Variants in BACH1 observed in about 807,000 individuals in gnomAD.
BACH1 encodes BTB domain and CNC homolog 1, also known as transcription regulator protein BACH1.
In BACH1, 35 loss-of-function variants were observed where a neutral mutation model predicts 52.9. The ratio of observed to expected loss-of-function variants is 0.66; its 90% confidence interval spans 0.51 to 0.88. The LOEUF is 0.88. Among genes scored for constraint, BACH1 ranks in the 40% least tolerant of loss-of-function variants. The pLI, the probability that BACH1 is intolerant of heterozygous loss-of-function variation, is 0.00. For synonymous variants in BACH1, 321 were observed against 319.6 expected, an observed-to-expected ratio of 1.00 and a Z score of -0.05; for missense variants, 808 against 872.6, an observed-to-expected ratio of 0.93 and a Z score of 0.93.
Position 29,355,753 on chromosome 21 carries a change from C to T in BACH1, c.472+26060C>T, listed in dbSNP as rs944942388. Among the ~76,000 whole-genome samples the T allele has an allele frequency of 5.3e-5, 8 of 152,126 alleles. No homozygotes were observed. The East Asian group carries it at 5.8e-4, about 11-fold the overall frequency. On this transcript the variant is annotated intron_variant, in intron 2 of 4. Transcript: ENST00000422809. Reference sequence around the variant, plus strand: ...GAGGTTAAAAATAAGGGTCCGAAGGCGAGTAATAGCAAGATGGCTGCCACA... The same window carrying T: ...GAGGTTAAAAATAAGGGTCCGAAGGTGAGTAATAGCAAGATGGCTGCCACA...
chr21:29,330,840 G>A (rs977737667), intron 4 of BACH1, among the ~76,000 whole-genome samples: 4 of 151,362 alleles, frequency 2.6e-5, no homozygotes, highest in Non-Finnish European at 5.9e-5. Context: ...TTTATATATT[G>A]TACATATACT....
At chr21:29,346,563 G>T (rs1261577018), downstream of BACH1, among the ~76,000 whole-genome samples, 1 of 152,122 alleles carries the variant, frequency 6.6e-6, no homozygotes, top group Non-Finnish European at 1.5e-5. Flanking sequence ...AGCTGGGGAT[G>T]ATTTTGCTTG....
rs2089141786 is a variant in BACH1 at position 29,343,842 on chromosome 21, T to C, written c.*1009T>C. 6.6e-6 allele frequency: 1 copy of C among 152,238 alleles called. No individual in the cohort carries two copies. Among genetic ancestry groups the C allele is most frequent in the Non-Finnish European group, 1.5e-5 (1 of 68,044 alleles). The allele number at this position is 152,238 out of a possible 1,614,324, so 9.4% of individuals were successfully genotyped here. ...TGTTTTTGAAGTCGTATTATTCACT[T>C]GTAAAAATGATTGTAACAGATAAAA... On this transcript the variant is annotated 3_prime_UTR_variant, in exon 5 of 5. Transcript: ENST00000286800.
downstream of BACH1, among the ~76,000 whole-genome samples, chr21:29,349,876 C>G (rs2123485940): frequency 6.6e-6 from 1 of 152,196 alleles, no homozygotes; most frequent in African/African-American, 2.4e-5. Flanking sequence ...CACTTAGACT[C>G]TTGGCATTGA....
rs867013588 is a variant in BACH1, at chr21:29,360,861, A to C, written c.472+31168A>C. 4.7e-3 allele frequency among the ~76,000 whole-genome samples: 706 copies of C among 149,936 alleles called. 4 individuals are homozygous for C. In the East Asian group the frequency reaches 0.048, roughly 10 times the overall value. On this transcript the variant is annotated intron_variant, in intron 2 of 4. Coordinates refer to the BACH1 transcript ENST00000422809. ...ACCCTGTCTCAAAAAAAAAAAAAAA[A>C]CAAAAAAAAACCCCACATGCTTCCT...
chr21:29,301,405 C>T (rs114280653), intron 1 of BACH1, among the ~76,000 whole-genome samples: 5 of 152,192 alleles, frequency 3.3e-5, no homozygotes. Context: ...AACATTCTTT[C>T]AACAACCGGA....
chr21:29,305,765 C>G (rs1025765420), intron 1 of BACH1, among the ~76,000 whole-genome samples: 4 of 152,216 alleles, frequency 2.6e-5, no homozygotes, highest in African/African-American at 9.6e-5. Flanking sequence ...ACTTAACTTT[C>G]AGTGTATGTG....
rs567555542 is a variant in BACH1, at chr21:29,325,123, G to A, written c.235-936G>A. Among the ~76,000 whole-genome samples, 149 of 152,180 alleles carry A rather than the reference G, an allele frequency of 9.8e-4. 4 individuals are homozygous for A. The highest frequency in any genetic ancestry group is 3.8e-4 in the Non-Finnish European group (26 of 67,992). ...CAGGCACCTGTAGTCCCAGCTGCTC[G>A]GGAGGCTGAGGCAGGAGAATGGCGT... On this transcript the variant is annotated intron_variant, in intron 2 of 4. Transcript: ENST00000286800.
intron 1 of BACH1, among the ~76,000 whole-genome samples, chr21:29,316,186 T>G (rs1321309273): frequency 6.6e-6 from 1 of 152,212 alleles, no homozygotes; most frequent in Non-Finnish European, 1.5e-5. Context: ...CTTAGGTTTT[T>G]AAGAGTTTTT....
downstream of BACH1, among the ~76,000 whole-genome samples, chr21:29,348,184 G>C (rs1242466249): frequency 6.6e-6 from 1 of 152,194 alleles, no homozygotes; most frequent in African/African-American, 2.4e-5. Context: ...CCTAGGTCCA[G>C]TTGAGATTCT....
intron 4 of BACH1, among the ~76,000 whole-genome samples, chr21:29,337,262 G>C (rs895580025): frequency 6.6e-6 from 1 of 152,118 alleles, no homozygotes; most frequent in Non-Finnish European, 1.5e-5. Context: ...TTGGACTTTG[G>C]AAAGCCTACC....
At chr21:29,334,711 T>C (rs1335484535) in intron 4 of BACH1, among the ~76,000 whole-genome samples, 1 of 152,214 alleles carries the variant, frequency 6.6e-6, no homozygotes, top group African/African-American at 2.4e-5. Context: ...ACACTTGCGC[T>C]CAGGGTTGAG....
intron 2 of BACH1, 139 bp from the exon 3 acceptor site, chr21:29,325,920 T>C (rs2088905156): frequency 3.1e-6 from 3 of 954,882 alleles, no homozygotes; most frequent in Non-Finnish European, 4.3e-6. Context: ...GAAGAATATG[T>C]TTTCTTCAAA....
chr21:29,341,585 A>T (rs1195400693), intron 4 of BACH1, among the ~76,000 whole-genome samples: 1 of 152,180 alleles, frequency 6.6e-6, no homozygotes, highest in Non-Finnish European at 1.5e-5. Context: ...TCTGTGGTAG[A>T]CTTTCTTATA....
chr21:29,342,621 C>G lies in BACH1; in HGVS notation c.1999C>G (p.Pro667Ala). 1 of 1,614,172 alleles carries G rather than the reference C, an allele frequency of 6.2e-7. No homozygotes were observed. The highest frequency in any genetic ancestry group is 1.3e-5 in the African/African-American group (1 of 75,048). Reference protein sequence around the residue: ...KSTPDGELALPSIFSLSDRPP... With the variant: ...KSTPDGELALASIFSLSDRPP... ...TACTCCTGATGGTGAACTGGCGTTA[C>G]CATCAATTTTCAGTTTATCTGACCG... Residue 667 changes from proline (P) to alanine (A), a missense_variant, in exon 5 of 5, where the codon CCA becomes GCA. Physicochemically the swap from Pro to Ala is conservative, Grantham distance 27. Coordinates refer to ENST00000286800, the MANE Select transcript of BACH1 (RefSeq NM_001186.4).
intron 1 of BACH1, among the ~76,000 whole-genome samples, chr21:29,319,672 A>G (rs1438098527): frequency 1.4e-5 from 2 of 147,156 alleles, no homozygotes; most frequent in African/African-American, 2.5e-5. Flanking sequence ...AGATTAGTAT[A>G]GTTTTGAAGG....
At chr21:29,307,715 G>A (rs1322397456) in intron 1 of BACH1, among the ~76,000 whole-genome samples, 1 of 152,142 alleles carries the variant, frequency 6.6e-6, no homozygotes, top group East Asian at 1.9e-4. Flanking sequence ...ATCCACTGGG[G>A]TTCTTGGAAT....
chr21:29,328,417 A>G (rs1050707791), intron 3 of BACH1, among the ~76,000 whole-genome samples: 9 of 151,728 alleles, frequency 5.9e-5, no homozygotes, highest in Admixed American at 1.3e-4. Context: ...TTTTGTTTTT[A>G]TATTTTATGA....
chr21:29,334,281 G>A lies in BACH1; in HGVS notation c.1776+4588G>A, dbSNP rs1194527202. ...CCTGGGTAATTTTTTTATATTTTTA[G>A]TAGAGACGGGGTTTCACTGTGTTAG... On this transcript the variant is annotated intron_variant, in intron 4 of 4. Transcript: ENST00000286800. 7.9e-5 allele frequency among the ~76,000 whole-genome samples: 12 copies of A among 151,560 alleles called. No homozygotes were observed. In the South Asian group the frequency reaches 1.9e-3, roughly 24 times the overall value.
Sources: gnomAD v4.1 joint callset for allele counts (sites outside exome capture counted in the v4.1 genomes callset) on GRCh38, gnomAD v4.1.1 for gene constraint, MANE v1.5 for transcripts, NCBI Gene and HGNC (gene_info 2026-07-23, HGNC 2026-07-21) for gene names.